The following PKP1 variants were observed in gnomAD, a reference collection of about 807,000 sequenced individuals.
PKP1 encodes plakophilin-1.
A neutral mutation model predicts 76.4 loss-of-function variants in PKP1; 27 were observed. The ratio of observed to expected loss-of-function variants is 0.35; its 90% CI spans 0.26 to 0.49. The LOEUF (loss-of-function observed/expected upper bound fraction) is 0.49, where lower values mean the gene tolerates loss of function less well. Among genes scored for constraint, PKP1 ranks in the 20% least tolerant of loss-of-function variants. PKP1 has a pLI of 0.99. For missense variants in PKP1, 964 were observed against 955.2 expected, an observed-to-expected ratio of 1.01 and a Z score of -0.12; for synonymous variants, 404 against 384.2, an observed-to-expected ratio of 1.05 and a Z score of -0.60.
chr1:201,317,604 G>A lies in PKP1; in HGVS notation c.879G>A (p.Val293=), dbSNP rs1558192531. ...VYQLGGICKL[V]DLLRSPNQNV... is the part of the protein sequence containing the mutation. Reference sequence around the variant, plus strand: ...AGCTGGGAGGCATCTGCAAGCTGGTGGACCTCCTCCGCAGCCCCAACCAGA... The same window carrying A: ...AGCTGGGAGGCATCTGCAAGCTGGTAGACCTCCTCCGCAGCCCCAACCAGA... The change falls in exon 5 of 14, where the codon GTG becomes GTA. Residue 293 remains valine, a synonymous_variant. Transcript: ENST00000367324. The A allele has an allele frequency of 1.2e-6, 2 of 1,614,006 alleles. No individual in the cohort carries two copies. Among genetic ancestry groups the A allele is most frequent in the South Asian group, 1.1e-5 (1 of 91,056 alleles).
chr1:201,311,362 T>G (rs1347294708), intron 2 of PKP1, among the ~76,000 whole-genome samples: 1 of 152,198 alleles, frequency 6.6e-6, no homozygotes, highest in African/African-American at 2.4e-5. Flanking sequence ...ACACCAATTC[T>G]CTTTGGAGTA....
intron 7 of PKP1, 132 bp from the exon 8 acceptor site, chr1:201,321,845 TG>T: frequency 1.1e-6 from 1 of 945,772 alleles, no homozygotes; most frequent in Non-Finnish European, 1.6e-6. Context: ...GCTGATAGTG[TG>T]GTGGTGCCTG....
chr1:201,283,689 CG>C lies in PKP1; in HGVS notation c.-13del. On this transcript the variant is annotated 5_prime_UTR_variant, in exon 1 of 14. Transcript: ENST00000367324. ...TCCTAGGCCCCGGCCGCGCGCCACC[CG>C]CCTCCCGCCACCATGAACCACTCGC... The C allele has an allele frequency of 6.2e-7, 1 of 1,611,318 alleles. No homozygotes were observed. Among genetic ancestry groups the C allele is most frequent in the Non-Finnish European group, 8.5e-7 (1 of 1,178,622 alleles).
chr1:201,321,516 G>A (rs948847385), intron 7 of PKP1, among the ~76,000 whole-genome samples: 1 of 152,082 alleles, frequency 6.6e-6, no homozygotes, highest in African/African-American at 2.4e-5. Flanking sequence ...AATGATGGGG[G>A]CACTAGATGG....
At chr1:201,299,760 C>T (rs74899012) in intron 2 of PKP1, among the ~76,000 whole-genome samples, 1 of 152,238 alleles carries the variant, frequency 6.6e-6, no homozygotes, top group African/African-American at 2.4e-5. Context: ...TTTACTTTAG[C>T]TTCACAGACA....
At chr1:201,300,199 G>C (rs1209034366) in intron 2 of PKP1, among the ~76,000 whole-genome samples, 5 of 152,252 alleles carry the variant, frequency 3.3e-5, no homozygotes, top group Non-Finnish European at 7.3e-5. Flanking sequence ...GAGCGGGAGC[G>C]GGCGGGCCGG....
At position 201,323,116 on chromosome 1, in the gene PKP1, G is replaced by A. The variant is rs775550365; in HGVS notation, c.1607G>A (p.Gly536Asp). The A allele has an allele frequency of 9.3e-6, 15 of 1,614,052 alleles. No homozygotes were observed. Among genetic ancestry groups the A allele is most frequent in the African/African-American group, 1.3e-5 (1 of 74,934 alleles). The change falls in exon 9 of 14, where the codon GGC becomes GAC. Residue 536 changes from glycine (G) to aspartate (D), a missense_variant. By Grantham distance (94) the Gly-to-Asp change is moderately conservative. Coordinates refer to ENST00000367324, the MANE Select transcript of PKP1 (RefSeq NM_001005337.3). ...DAIRTYLNLM[G>D]KSKKDATLEA... ...ATCCGCACCTACCTGAACCTCATGG[G>A]CAAGAGCAAGAAAGATGCTACCCTG...
chr1:201,328,419 G>A (rs1311059027), intron 12 of PKP1: 1 of 381,576 alleles, frequency 2.6e-6, no homozygotes, highest in Non-Finnish European at 5.0e-6. Context: ...GGTGGTCAGA[G>A]GGAAGAACAA....
chr1:201,316,662 C>T lies in PKP1; in HGVS notation c.811C>T (p.His271Tyr). 1.2e-6 allele frequency: 2 copies of T among 1,613,960 alleles called. No homozygotes were observed. The highest frequency in any genetic ancestry group is 1.7e-6 in the Non-Finnish European group (2 of 1,179,992). ...YQAIGAYYIQ[H>Y]TCFQDESAKQ... ...GGCCATTGGGGCCTATTACATCCAGCATACCTGCTTCCAGGATGAATCTGC... is the reference window on the plus strand; with the variant it reads ...GGCCATTGGGGCCTATTACATCCAGTATACCTGCTTCCAGGATGAATCTGC... The change falls in exon 4 of 14, where the codon CAT becomes TAT. Residue 271 changes from histidine (H) to tyrosine (Y), a missense_variant. His to Tyr is a moderately conservative substitution (Grantham distance 83, BLOSUM62 2). Coordinates refer to ENST00000367324, the MANE Select transcript of PKP1 (RefSeq NM_001005337.3).
At chr1:201,284,321 T>C (rs1655661723) in intron 1 of PKP1, among the ~76,000 whole-genome samples, 1 of 152,194 alleles carries the variant, frequency 6.6e-6, no homozygotes, top group South Asian at 2.1e-4. Context: ...CTGGGGCCCA[T>C]GGTCCCCGCG....
rs753419598 is a variant in PKP1 at position 201,328,820 on chromosome 1, T to C, written c.2165T>C (p.Phe722Ser). ...TLAGANSLRN[F>S]TSRF ...GCTGGGGCCAACAGCCTCAGGAACT[T>C]CACCTCCCGATTCTAAGAAGAGACT... The change falls in exon 13 of 14, where the codon TTC (phenylalanine) becomes TCC (serine). Residue 722 changes from phenylalanine to serine, a missense_variant. By Grantham distance (155) the Phe-to-Ser change is radical. Coordinates refer to ENST00000367324, the MANE Select transcript of PKP1 (RefSeq NM_001005337.3). The C allele has an allele frequency of 3.7e-6, 6 of 1,613,868 alleles. No individual in the cohort carries two copies. The highest frequency in any genetic ancestry group is 1.3e-5 in the African/African-American group (1 of 74,914).
At chr1:201,309,152 A>G (rs1309786919) in intron 2 of PKP1, among the ~76,000 whole-genome samples, 3 of 151,780 alleles carry the variant, frequency 2.0e-5, no homozygotes, top group Admixed American at 6.6e-5. Context: ...TGGGGCTTGT[A>G]TTGCTTCACT....
At chr1:201,298,389 A>G (rs749785681) in intron 2 of PKP1, among the ~76,000 whole-genome samples, 1 of 152,168 alleles carries the variant, frequency 6.6e-6, no homozygotes. Flanking sequence ...CTGGATTAAG[A>G]TGACACTCCT....
chr1:201,325,473 C>T (rs573487427), intron 11 of PKP1, among the ~76,000 whole-genome samples: 6 of 152,160 alleles, frequency 3.9e-5, no homozygotes, highest in Admixed American at 2.6e-4. Context: ...CTCTCTTCCC[C>T]GGACAAGGCT....
At chr1:201,319,685 T>C (rs1355698603) in intron 6 of PKP1, 5 of 879,764 alleles carry the variant, frequency 5.7e-6, no homozygotes, top group Admixed American at 1.9e-5. Flanking sequence ...TGAGCCCACA[T>C]TGCTTGGGAG....
Position 201,331,143 on chromosome 1 carries a change from G to C in PKP1, c.*1102G>C, listed in dbSNP as rs577340063. The C allele has an allele frequency of 1.3e-5, 2 of 152,234 alleles. No individual in the cohort carries two copies. Among genetic ancestry groups the C allele is most frequent in the Non-Finnish European group, 2.9e-5 (2 of 68,114 alleles). 9.4% of individuals were successfully genotyped at this position (152,234 alleles called of 1,614,324 possible). ...CCAGGAAGATGTTTCCACCAAGCCT[G>C]CTGTGAGTCAATTGAGGGAGTGTTT... On this transcript the variant is annotated 3_prime_UTR_variant, in exon 14 of 14. Coordinates refer to ENST00000367324, the MANE Select transcript of PKP1 (RefSeq NM_001005337.3).
intron 1 of PKP1, among the ~76,000 whole-genome samples, chr1:201,288,351 T>C (rs1326820802): frequency 6.6e-6 from 1 of 152,172 alleles, no homozygotes; most frequent in Non-Finnish European, 1.5e-5. Flanking sequence ...CTCGTAAACA[T>C]CCTAACATAT....
intron 12 of PKP1, among the ~76,000 whole-genome samples, chr1:201,326,077 G>A (rs867225603): frequency 1.9e-4 from 29 of 152,334 alleles, no homozygotes; most frequent in African/African-American, 6.7e-4. Flanking sequence ...TCAAGGAAAT[G>A]TGTGAGAGGC....
chr1:201,306,849 T>G (rs939060661), intron 2 of PKP1, among the ~76,000 whole-genome samples: 5 of 3,408 alleles, frequency 1.5e-3, no homozygotes, highest in Non-Finnish European at 9.7e-3. Flanking sequence ...TACTTTTTGT[T>G]TTTTTTGTAT....
Sources: gnomAD v4.1 joint callset for allele counts (sites outside exome capture counted in the v4.1 genomes callset) on GRCh38, gnomAD v4.1.1 for gene constraint, MANE v1.5 for transcripts, NCBI Gene and HGNC (gene_info 2026-07-23, HGNC 2026-07-21) for gene names.